The following PDE2A variants were observed in gnomAD, a reference collection of about 807,000 sequenced individuals.
PDE2A encodes phosphodiesterase 2A.
Under a neutral mutation model 133.6 loss-of-function variants are expected in PDE2A, and 53 were observed. That is an observed-to-expected ratio of 0.40 (90% CI 0.32 to 0.50). The LOEUF (loss-of-function observed/expected upper bound fraction) is 0.50. Ranked by LOEUF, PDE2A falls within the 20% of genes least tolerant of loss-of-function variation. The pLI is 0.73. For synonymous variants in PDE2A, 491 were observed against 490.2 expected (o/e 1.00, Z -0.02); for missense variants, 796 against 1,232.4 (o/e 0.65, Z 5.30).
intron 1 of PDE2A, among the ~76,000 whole-genome samples, chr11:72,644,695 A>T (rs1859079759): frequency 6.6e-6 from 1 of 152,132 alleles, no homozygotes; most frequent in South Asian, 2.1e-4. Flanking sequence ...CACCACCTCC[A>T]TGGCACTCAC....
At chr11:72,613,157 T>C (rs983457325) in intron 2 of PDE2A, among the ~76,000 whole-genome samples, 16 of 152,010 alleles carry the variant, frequency 1.1e-4, no homozygotes, top group African/African-American at 3.9e-4. Context: ...TCTCCACAGG[T>C]CCTCCTATGG....
intron 2 of PDE2A, among the ~76,000 whole-genome samples, chr11:72,623,668 C>T (rs1857899899): frequency 6.6e-6 from 1 of 152,158 alleles, no homozygotes; most frequent in African/African-American, 2.4e-5. Flanking sequence ...TGCCTTTGCC[C>T]ATCTCAGAAA....
At position 72,589,169 on chromosome 11, in the gene PDE2A, A is replaced by T; in HGVS notation, c.939+6T>A. On this transcript the variant is annotated splice_donor_region_variant and intron_variant, in intron 12 of 30. Coordinates refer to ENST00000334456, the MANE Select transcript of PDE2A (RefSeq NM_002599.5). The stretch of plus-strand genomic sequence containing the variant: ...TCCCCTCTGGGTCAGCCAGGCCATG[A>T]CTTACGGAGGTGAGGTCCTTCAGCT... 6.2e-7 allele frequency: 1 copy of T among 1,612,228 alleles called. No individual in the cohort carries two copies. Among genetic ancestry groups the T allele is most frequent in the Non-Finnish European group, 8.5e-7 (1 of 1,178,608 alleles).
At chr11:72,596,794 C>A in intron 5 of PDE2A, 146 bp from the exon 6 acceptor site, 1 of 427,122 alleles carries the variant, frequency 2.3e-6, no homozygotes, top group Non-Finnish European at 4.1e-6. Context: ...CACAGAAACA[C>A]AGAGGCGGGT....
At chr11:72,652,378 C>G (rs955824568) in intron 1 of PDE2A, 20 of 402,810 alleles carry the variant, frequency 5.0e-5, no homozygotes, top group Non-Finnish European at 1.5e-5. Context: ...TCCCTAGTAG[C>G]TGGAATTACA....
At chr11:72,593,239 C>T (rs1397064396) in intron 6 of PDE2A, among the ~76,000 whole-genome samples, 2 of 152,088 alleles carry the variant, frequency 1.3e-5, no homozygotes, top group Admixed American at 1.3e-4. Flanking sequence ...CACACCCACC[C>T]TTACAGTGTC....
In PDE2A at chr11:72,653,549, C is replaced by T. The variant is rs342327; in HGVS notation, c.72-11223G>A. On this transcript the variant is annotated intron_variant, in intron 1 of 30. Transcript: ENST00000334456. ...GGGGAGTGACAGAGGTGGATAGAGG[C>T]ATGACAGGAGGAGATAAGCCTGAGG... Among the ~76,000 whole-genome samples the T allele has an allele frequency of 8.7e-3, 1,322 of 152,108 alleles. 23 individuals carry two copies. The highest frequency in any genetic ancestry group is 0.03 in the African/African-American group (1,259 of 41,474).
At chr11:72,635,493 C>T (rs1303013148) in intron 2 of PDE2A, among the ~76,000 whole-genome samples, 1 of 152,208 alleles carries the variant, frequency 6.6e-6, no homozygotes, top group Non-Finnish European at 1.5e-5. Flanking sequence ...CCTAGAGCCT[C>T]AGCATCTTAA....
intron 2 of PDE2A, among the ~76,000 whole-genome samples, chr11:72,610,649 T>C (rs953114517): frequency 1.3e-5 from 2 of 152,228 alleles, no homozygotes; most frequent in Non-Finnish European, 2.9e-5. Context: ...CATGGGAAGA[T>C]GTCTACCCTC....
Position 72,639,128 on chromosome 11 carries a change from C to T in PDE2A, c.144+3126G>A, listed in dbSNP as rs1199020739. ...TCTCAAGCACCTGCTGGGAGGCAGC[C>T]CAGTAGGGTTTTCCCACAGCTCTCT... is the stretch of plus-strand genomic sequence containing the variant. On this transcript the variant is annotated intron_variant, in intron 2 of 30. Transcript: ENST00000334456. Among the ~76,000 whole-genome samples the T allele has an allele frequency of 2.6e-4, 39 of 152,174 alleles. 2 individuals carry two copies. The highest frequency in any genetic ancestry group is 2.6e-3 in the Admixed American group (39 of 15,266).
rs78395475 is a variant in PDE2A, at chr11:72,668,263, T to C, written c.71+5874A>G. The stretch of plus-strand genomic sequence containing the variant: ...AGCAGGAGCTCTGGAAGCAGACAGA[T>C]TTGTGCCCCAGGTCTGGCTCCACTG... On this transcript the variant is annotated intron_variant, in intron 1 of 30. Coordinates refer to ENST00000334456, the MANE Select transcript of PDE2A (RefSeq NM_002599.5). The C allele has an allele frequency of 2.8e-3, 2,032 of 717,988 alleles. 38 individuals are homozygous for C. The African/African-American group carries it at 0.032, about 11-fold the overall frequency. 44.5% of individuals were successfully genotyped at this position (717,988 alleles called of 1,614,324 possible).
At chr11:72,596,714 AC>A in intron 5 of PDE2A, 66 bp from the exon 6 acceptor site, 1 of 1,079,358 alleles carries the variant, frequency 9.3e-7, no homozygotes, top group Non-Finnish European at 1.3e-6. Flanking sequence ...CCGAGCCGGG[AC>A]CCAGGTGGGG....
At chr11:72,647,080 C>T (rs372583881) in intron 1 of PDE2A, among the ~76,000 whole-genome samples, 1 of 152,198 alleles carries the variant, frequency 6.6e-6, no homozygotes, top group Non-Finnish European at 1.5e-5. Flanking sequence ...TCCAGCCAAG[C>T]TGGGAGCCCT....
intron 1 of PDE2A, among the ~76,000 whole-genome samples, chr11:72,650,695 G>A (rs1447349417): frequency 2.0e-5 from 3 of 152,120 alleles, no homozygotes; most frequent in Non-Finnish European, 4.4e-5. Context: ...GCTGGGTAGG[G>A]GACGAAGGAG....
At chr11:72,650,021 T>A (rs183629373) in intron 1 of PDE2A, among the ~76,000 whole-genome samples, 3,056 of 94,280 alleles carry the variant, frequency 0.032, 91 homozygotes, top group African/African-American at 0.14. Context: ...CCCTGAGACT[T>A]TTTTTTTTTT....
Position 72,579,528 on chromosome 11 carries a change from C to CAA in PDE2A, c.2256+5_2256+6insTT. On this transcript the variant is annotated splice_donor_region_variant and intron_variant, in intron 26 of 30. Transcript: ENST00000334456. ...TCAATCCCCACCCCACCCCCAACCC[C>CAA]ATCACCTTCCGGGAGAAATGATCAA... 4 of 1,576,996 alleles carry CAA rather than the reference C, an allele frequency of 2.5e-6. No homozygotes were observed. Among genetic ancestry groups the CAA allele is most frequent in the Non-Finnish European group, 3.5e-6 (4 of 1,149,624 alleles).
chr11:72,663,939 G>A (rs1411033974), intron 1 of PDE2A, among the ~76,000 whole-genome samples: 1 of 152,166 alleles, frequency 6.6e-6, no homozygotes, highest in African/African-American at 2.4e-5. Flanking sequence ...GTGTGCCCCA[G>A]AGGCCGACTT....
chr11:72,660,458 C>A (rs987014259), intron 1 of PDE2A, among the ~76,000 whole-genome samples: 1 of 152,212 alleles, frequency 6.6e-6, no homozygotes, highest in Non-Finnish European at 1.5e-5. Context: ...AGTGCATTTG[C>A]ACATCCTTGA....
intron 1 of PDE2A, chr11:72,657,801 A>T (rs566909168): frequency 2.2e-6 from 1 of 454,120 alleles, no homozygotes; most frequent in Admixed American, 2.4e-5. Flanking sequence ...GCCTCCCAAC[A>T]CCCTGGTAAA....
Sources: gnomAD v4.1 joint callset for allele counts (sites outside exome capture counted in the v4.1 genomes callset) on GRCh38, gnomAD v4.1.1 for gene constraint, MANE v1.5 for transcripts, NCBI Gene and HGNC (gene_info 2026-07-23, HGNC 2026-07-21) for gene names.